Variants in CLNK observed in about 807,000 individuals in gnomAD.
The protein encoded by CLNK is cytokine dependent hematopoietic cell linker.
A neutral mutation model predicts 68.6 loss-of-function variants in CLNK; 74 were observed. The ratio of observed to expected loss-of-function variants is 1.08; its 90% CI spans 0.89 to 1.31. CLNK has a LOEUF of 1.31. CLNK is among the 50% of genes most tolerant of loss of function. The pLI, the probability that CLNK is intolerant of heterozygous loss-of-function variation, is 0.00. For missense variants in CLNK, 553 were observed against 515.3 expected, an observed-to-expected ratio of 1.07 and a Z score of -0.71; for synonymous variants, 198 against 172.2, an observed-to-expected ratio of 1.15 and a Z score of -1.17.
chr4:10,557,897 G>T (rs1341024754), intron 8 of CLNK, among the ~76,000 whole-genome samples: 1 of 152,150 alleles, frequency 6.6e-6, no homozygotes, highest in Non-Finnish European at 1.5e-5. Context: ...AGCTATAATG[G>T]ATACAATACC....
intron 1 of CLNK, among the ~76,000 whole-genome samples, chr4:10,679,336 C>T (rs1178972991): frequency 1.3e-5 from 2 of 152,150 alleles, no homozygotes; most frequent in Admixed American, 6.5e-5. Context: ...AAACTGGATC[C>T]CTTCCTTACA....
the CLNK span, among the ~76,000 whole-genome samples, chr4:10,730,005 C>A: frequency 1.3e-5 from 2 of 152,120 alleles, no homozygotes; most frequent in Non-Finnish European, 2.9e-5. Flanking sequence ...TGAATCAAAC[C>A]TCTAAGTTTA....
intron 15 of CLNK, among the ~76,000 whole-genome samples, chr4:10,518,974 G>A (rs2109044836): frequency 6.6e-6 from 1 of 152,282 alleles, no homozygotes; most frequent in South Asian, 2.1e-4. Context: ...GCTGATGGAG[G>A]AACATTGCAG....
At chr4:10,634,064 C>T (rs1722989676) in intron 2 of CLNK, among the ~76,000 whole-genome samples, 1 of 152,188 alleles carries the variant, frequency 6.6e-6, no homozygotes, top group Non-Finnish European at 1.5e-5. Context: ...CTGATGGGCT[C>T]ACCCTGAGCC....
At chr4:10,607,957 C>T (rs147609684) in intron 2 of CLNK, among the ~76,000 whole-genome samples, 3 of 152,262 alleles carry the variant, frequency 2.0e-5, no homozygotes, top group Middle Eastern at 3.4e-3. Flanking sequence ...ATATCCTGAG[C>T]AATTTACTGT....
At chr4:10,653,048 G>A (rs1723816022) in intron 2 of CLNK, among the ~76,000 whole-genome samples, 1 of 152,160 alleles carries the variant, frequency 6.6e-6, no homozygotes. Context: ...CAGGGACATG[G>A]ATGACACTGG....
At chr4:10,536,889 G>C (rs1412202235) in intron 11 of CLNK, among the ~76,000 whole-genome samples, 1 of 152,040 alleles carries the variant, frequency 6.6e-6, no homozygotes, top group African/African-American at 2.4e-5. Context: ...TGTGGTTTGT[G>C]CCCGCAGAGG....
At chr4:10,678,894 C>A (rs1261109855) in intron 1 of CLNK, among the ~76,000 whole-genome samples, 1 of 152,182 alleles carries the variant, frequency 6.6e-6, no homozygotes, top group East Asian at 1.9e-4. Flanking sequence ...ACATTCCATG[C>A]TCATGGGTAG....
chr4:10,710,132 C>T, the CLNK span, among the ~76,000 whole-genome samples: 1 of 152,134 alleles, frequency 6.6e-6, no homozygotes, highest in Non-Finnish European at 1.5e-5. Context: ...TTAATAAGTA[C>T]AACAAAGTAA....
chr4:10,624,587 C>T (rs1021252066), intron 2 of CLNK, among the ~76,000 whole-genome samples: 4 of 138,534 alleles, frequency 2.9e-5, no homozygotes, highest in South Asian at 2.4e-4. Flanking sequence ...CCACCGCGCC[C>T]GGCCAGTTTT....
In CLNK at chr4:10,584,067, C is replaced by T. The variant is rs114829219; in HGVS notation, c.112+860G>A. On this transcript the variant is annotated intron_variant, in intron 4 of 18. Coordinates refer to ENST00000226951, the MANE Select transcript of CLNK (RefSeq NM_052964.4). ...ATCATCTACCTTGAGAGAAGACAAT[C>T]TTGTTTAGGCCTGACTGGGAAGTTG... Among the ~76,000 whole-genome samples the T allele has an allele frequency of 4.0e-3, 613 of 152,340 alleles. 2 individuals carry two copies. Among genetic ancestry groups the T allele is most frequent in the South Asian group, 0.02 (95 of 4,828 alleles).
intron 2 of CLNK, among the ~76,000 whole-genome samples, chr4:10,646,075 C>T (rs1347406743): frequency 6.6e-6 from 1 of 152,110 alleles, no homozygotes; most frequent in East Asian, 1.9e-4. Flanking sequence ...AAAGAAATAA[C>T]ACCAAAATGT....
In CLNK at chr4:10,525,910, T is replaced by A. The variant is rs1033449199; in HGVS notation, c.662A>T (p.Gln221Leu). The A allele has an allele frequency of 2.6e-6, 4 of 1,565,080 alleles. No homozygotes were observed. The African/African-American group carries it at 5.4e-5, about 21-fold the overall frequency. ...CAGATGAGTTGATTCAGGCTTCCTC[T>A]GGTTATGAGGAACTATATAAAACAG... ...VLEAEKVPHN[Q>L]RKPESTHLLE... The change falls in exon 14 of 19, where the codon CAG becomes CTG. Residue 221 changes from glutamine to leucine, a missense_variant. Physicochemically the swap from Gln to Leu is moderately radical, Grantham distance 113. Transcript: ENST00000226951.
intron 4 of CLNK, among the ~76,000 whole-genome samples, chr4:10,581,532 A>G (rs1416347981): frequency 6.6e-6 from 1 of 152,226 alleles, no homozygotes; most frequent in East Asian, 1.9e-4. Context: ...GGGGTTGAAG[A>G]ACAGGCATAA....
intron 2 of CLNK, among the ~76,000 whole-genome samples, chr4:10,637,442 T>TG (rs903746422): frequency 2.7e-5 from 4 of 150,832 alleles, no homozygotes; most frequent in African/African-American, 7.3e-5. Context: ...AAAAAAGTTT[T>TG]TTTTTTTTTT....
At chr4:10,635,706 T>A (rs550515291) in intron 2 of CLNK, 1 of 152,130 alleles carries the variant, frequency 6.6e-6, no homozygotes, top group Non-Finnish European at 1.5e-5. Context: ...CTCTCATGAA[T>A]TAAATGGGTT....
intron 4 of CLNK, among the ~76,000 whole-genome samples, chr4:10,576,391 C>G (rs906825874): frequency 6.6e-6 from 1 of 152,166 alleles, no homozygotes; most frequent in Admixed American, 6.5e-5. Context: ...CATCCATCAC[C>G]CACAGACACC....
In CLNK at chr4:10,568,280, A is replaced by G. The variant is rs374021927; in HGVS notation, c.151-2130T>C. 3.0e-3 allele frequency among the ~76,000 whole-genome samples: 464 copies of G among 152,340 alleles called. 9 individuals carry two copies. In the South Asian group the frequency reaches 0.037, roughly 12 times the overall value. ...TTACGTTAAATGAAAGAAGGGAGTC[A>G]TATACAAAATGGAATGTTGCATGAT... On this transcript the variant is annotated intron_variant, in intron 5 of 18. Coordinates refer to ENST00000226951, the MANE Select transcript of CLNK (RefSeq NM_052964.4).
chr4:10,539,699 T>G (rs1718940687), intron 11 of CLNK, among the ~76,000 whole-genome samples: 2 of 152,254 alleles, frequency 1.3e-5, no homozygotes, highest in African/African-American at 4.8e-5. Context: ...TCATCAGTAC[T>G]TAATATCAGA....
Sources: gnomAD v4.1 joint callset for allele counts (sites outside exome capture counted in the v4.1 genomes callset) on GRCh38, gnomAD v4.1.1 for gene constraint, MANE v1.5 for transcripts, NCBI Gene and HGNC (gene_info 2026-07-23, HGNC 2026-07-21) for gene names.